Variants in CYP4F8 observed in about 807,000 individuals in gnomAD.
The protein encoded by CYP4F8 is cytochrome P450 family 4 subfamily F member 8.
CYP4F8 carries 56 observed loss-of-function variants against 55.0 expected under a neutral mutation model. That is an observed-to-expected ratio of 1.02 (90% CI 0.82 to 1.27). The LOEUF is 1.27. Among genes scored for constraint, CYP4F8 ranks in the 50% most tolerant of loss-of-function variants. The probability of loss-of-function intolerance (pLI) is 0.00; values close to 1 mark genes in which losing one functional copy is unlikely to be tolerated. For missense variants in CYP4F8, 680 were observed against 682.4 expected, an observed-to-expected ratio of 1.00 and a Z score of 0.04; for synonymous variants, 288 against 267.3, an observed-to-expected ratio of 1.08 and a Z score of -0.76.
intron 6 of CYP4F8, 133 bp downstream of exon 6, chr19:15,622,473 AGAGAAG>A: frequency 7.9e-7 from 1 of 1,259,820 alleles, no homozygotes; most frequent in Non-Finnish European, 1.1e-6. Context: ...ACAAAGAAGG[AGAGAAG>A]GAGAGAGAGA....
In CYP4F8 at chr19:15,628,427, TC is replaced by T. The variant is rs1199041881; in HGVS notation, c.1245del (p.Asn418MetfsTer61). The T allele has an allele frequency of 3.1e-6, 5 of 1,613,910 alleles. No individual in the cohort carries two copies. The highest frequency in any genetic ancestry group is 4.2e-6 in the Non-Finnish European group (5 of 1,179,948). On this transcript the variant is annotated frameshift_variant, in exon 10 of 13. Transcript: ENST00000612078. LOFTEE classifies it high-confidence loss of function. ...GTGGTGCTCCCAGACAGCCGAGTCA[TC>T]CCCAAAGGTGCCCTCCATGGCAGGG... ...QDVVLPDSRV[I>X]PKGNVCNINI...
chr19:15,623,281 G>C lies in CYP4F8; in HGVS notation c.824G>C (p.Arg275Pro). 1 of 1,613,988 alleles carries C rather than the reference G, an allele frequency of 6.2e-7. No homozygotes were observed. Among genetic ancestry groups the C allele is most frequent in the South Asian group, 1.1e-5 (1 of 91,062 alleles). ...DFTDAVIQER[R>P]RTLTSQGVDD... ...ACAGATGCCGTCATCCAGGAGCGGCGCCGCACCCTCACTAGCCAGGGTGTT... is the reference window on the plus strand; with the variant it reads ...ACAGATGCCGTCATCCAGGAGCGGCCCCGCACCCTCACTAGCCAGGGTGTT... The change falls in exon 7 of 13, where the codon CGC becomes CCC. Residue 275 changes from arginine to proline, a missense_variant. By Grantham distance (103) the Arg-to-Pro change is moderately radical (BLOSUM62 -2). Coordinates refer to ENST00000612078, the MANE Select transcript of CYP4F8 (RefSeq NM_007253.4).
At position 15,615,725 on chromosome 19, in the gene CYP4F8, T is replaced by A. The variant is rs749062507; in HGVS notation, c.109T>A (p.Trp37Arg). Residue 37 changes from tryptophan (W) to arginine (R), a missense_variant, in exon 2 of 13, where the codon TGG (tryptophan) becomes AGG (arginine). Coordinates refer to ENST00000612078, the MANE Select transcript of CYP4F8 (RefSeq NM_007253.4). ...ASWLLARILA[W>R]TYAFYHNGRR... ...CTGGCTCCTGGCCCGCATCCTGGCC[T>A]GGACCTATGCCTTCTATCACAACGG... 57 of 1,614,016 alleles carry A rather than the reference T, an allele frequency of 3.5e-5. No homozygotes were observed. In the Admixed American group the frequency reaches 9.5e-4, roughly 27 times the overall value.
rs992228816 is a variant in CYP4F8, at chr19:15,629,348, C to A, written c.1553C>A (p.Pro518His). 1 of 1,608,792 alleles carries A rather than the reference C, an allele frequency of 6.2e-7. No individual in the cohort carries two copies. The highest frequency in any genetic ancestry group is 8.5e-7 in the Non-Finnish European group (1 of 1,177,342). Residue 518 changes from proline to histidine, a missense_variant, in exon 13 of 13, where the codon CCC becomes CAC. Transcript: ENST00000612078. The part of the protein sequence containing the change: ...AEDGLWLRVE[P>H]LG ...GACGGACTTTGGCTGCGAGTAGAAC[C>A]CCTGGGCTGAGGCCTGCAGTGACCC...
chr19:15,625,434 A>G (rs1245108262), intron 9 of CYP4F8, among the ~76,000 whole-genome samples: 1 of 150,054 alleles, frequency 6.7e-6, no homozygotes, highest in Non-Finnish European at 1.5e-5. Context: ...CACTATATAT[A>G]TATGTATTTT....
Position 15,629,298 on chromosome 19 carries a change from G to A in CYP4F8, c.1503G>A (p.Thr501=). 6.2e-7 allele frequency: 1 copy of A among 1,613,078 alleles called. No homozygotes were observed. Among genetic ancestry groups the A allele is most frequent in the African/African-American group, 1.3e-5 (1 of 75,030 alleles). Residue 501 remains threonine, a synonymous_variant, in exon 13 of 13, where the codon ACG becomes ACA. Coordinates refer to ENST00000612078, the MANE Select transcript of CYP4F8 (RefSeq NM_007253.4). The stretch of plus-strand genomic sequence containing the variant: ...CCGACCACAGGGAGCCACGCAGGAC[G>A]CCGGAGATTGTTTTGCGTGCGGAGG... ...ILPDHREPRR[T]PEIVLRAEDG...
rs542122231 is a variant in CYP4F8 at position 15,618,849 on chromosome 19, A to G, written c.344-641A>G. On this transcript the variant is annotated intron_variant, in intron 3 of 12. Transcript: ENST00000612078. ...TTGCTCCAGGCCCCAGGAATCTCCA[A>G]TAGGAGACACCACCCCAGCCTGGAG... 1.2e-4 allele frequency: 21 copies of G among 175,298 alleles called. No individual in the cohort carries two copies. In the South Asian group the frequency reaches 2.1e-3, roughly 18 times the overall value. 10.9% of individuals were successfully genotyped at this position (175,298 alleles called of 1,614,324 possible).
chr19:15,628,363 C>T lies in CYP4F8; in HGVS notation c.1177C>T (p.Pro393Ser). The change falls in exon 10 of 13, where the codon CCC (proline) becomes TCC (serine). Residue 393 changes from proline to serine, a missense_variant. Physicochemically the swap from Pro to Ser is moderately conservative, Grantham distance 74. Coordinates refer to ENST00000612078, the MANE Select transcript of CYP4F8 (RefSeq NM_007253.4). ...MCLKESLRLH[P>S]PIPTFARGCT... ...CCTGAAGGAGAGCCTGCGGTTGCATCCCCCAATCCCTACATTCGCCCGCGG... is the reference window on the plus strand; with the variant it reads ...CCTGAAGGAGAGCCTGCGGTTGCATTCCCCAATCCCTACATTCGCCCGCGG... 1.9e-6 allele frequency: 3 copies of T among 1,614,044 alleles called. No homozygotes were observed. Among genetic ancestry groups the T allele is most frequent in the Admixed American group, 1.7e-5 (1 of 60,004 alleles).
chr19:15,622,722 A>G (rs1972210293), intron 6 of CYP4F8: 4 of 364,556 alleles, frequency 1.1e-5, no homozygotes, highest in South Asian at 8.6e-5. Context: ...GATGAGAGAC[A>G]TGGTCAGTAC....
At chr19:15,622,004 G>A (rs900187612) in intron 5 of CYP4F8, 30 of 540,496 alleles carry the variant, frequency 5.6e-5, no homozygotes, top group African/African-American at 4.5e-4. Context: ...CACAGCTTAG[G>A]AATCACAGCT....
chr19:15,622,977 G>A, intron 6 of CYP4F8, 128 bp from the exon 7 acceptor site: 7 of 1,148,762 alleles, frequency 6.1e-6, no homozygotes, highest in Non-Finnish European at 7.3e-6. Flanking sequence ...GTGGGAGGCA[G>A]AGAGTGAAGT....
intron 6 of CYP4F8, 32 bp from the exon 7 acceptor site, chr19:15,623,073 A>C (rs920736144): frequency 2.5e-6 from 4 of 1,599,034 alleles, no homozygotes; most frequent in Non-Finnish European, 3.4e-6. Context: ...GTGGGTAAGG[A>C]GCTGCTTCCT....
At chr19:15,615,435 A>C in intron 1 of CYP4F8, 155 bp downstream of exon 1, 4 of 631,594 alleles carry the variant, frequency 6.3e-6, no homozygotes, top group South Asian at 2.4e-5. Flanking sequence ...TCTGGTCTCT[A>C]GTTTCCTTGA....
chr19:15,624,095 G>A lies in CYP4F8; in HGVS notation c.1115+1G>A, dbSNP rs1309082382. 1.2e-6 allele frequency: 2 copies of A among 1,613,752 alleles called. No homozygotes were observed. The highest frequency in any genetic ancestry group is 1.3e-5 in the African/African-American group (1 of 74,906). On this transcript the variant is annotated splice_donor_variant, in intron 9 of 12. Coordinates refer to ENST00000612078, the MANE Select transcript of CYP4F8 (RefSeq NM_007253.4). LOFTEE classifies it high-confidence loss of function. ...ACCGTGAGCCTAAAGAGATTGAATG[G>A]TGAGTGCAGGTGCTGGTGGCTCTGC...
At chr19:15,623,514 ATT>A in intron 7 of CYP4F8, 139 bp downstream of exon 7, 1 of 1,297,932 alleles carries the variant, frequency 7.7e-7, no homozygotes. Context: ...AGTCAGATAA[ATT>A]TTAGAGGTGA....
intron 6 of CYP4F8, 94 bp from the exon 7 acceptor site, chr19:15,623,011 G>A: frequency 1.4e-6 from 2 of 1,428,082 alleles, no homozygotes; most frequent in East Asian, 2.4e-5. Flanking sequence ...ACCCCTTTCT[G>A]CATGGAATGT....
In CYP4F8 at chr19:15,629,546, C is replaced by G; in HGVS notation, c.*188C>G. 1 of 757,252 alleles carries G rather than the reference C, an allele frequency of 1.3e-6. No individual in the cohort carries two copies. Among genetic ancestry groups the G allele is most frequent in the African/African-American group, 1.8e-5 (1 of 56,012 alleles). The allele number at this position is 757,252 out of a possible 1,614,324, so 46.9% of individuals were successfully genotyped here. A position where few individuals can be genotyped will look rare whatever the true frequency, so the allele number is the denominator to read the frequency against. ...AGAGGCGGGGAGATGTCTCTGTGCC[C>G]AAGATACTCACTGCCTCTCTGGGTG... On this transcript the variant is annotated 3_prime_UTR_variant, in exon 13 of 13. Coordinates refer to ENST00000612078, the MANE Select transcript of CYP4F8 (RefSeq NM_007253.4).
At chr19:15,615,386 G>A in intron 1 of CYP4F8, 106 bp downstream of exon 1, 1 of 459,066 alleles carries the variant, frequency 2.2e-6, no homozygotes, top group Non-Finnish European at 3.8e-6. Context: ...GTAACCAGAG[G>A]TCAAGTTGGC....
chr19:15,619,720 G>A lies in CYP4F8; in HGVS notation c.483G>A (p.Lys161=), dbSNP rs1433190870. 19 of 1,614,008 alleles carry A rather than the reference G, an allele frequency of 1.2e-5. No individual in the cohort carries two copies. Among genetic ancestry groups the A allele is most frequent in the Non-Finnish European group, 1.6e-5 (19 of 1,180,004 alleles). ...LTPAFHFNIL[K]PYIKIFSKSA... ...CTGCCTTCCATTTCAACATCCTGAA[G>A]CCCTATATAAAGATTTTCAGCAAGA... The change falls in exon 5 of 13, where the codon AAG becomes AAA. Residue 161 remains lysine (K), a synonymous_variant. Transcript: ENST00000612078.
Sources: gnomAD v4.1 joint callset for allele counts (sites outside exome capture counted in the v4.1 genomes callset) on GRCh38, gnomAD v4.1.1 for gene constraint, MANE v1.5 for transcripts, NCBI Gene and HGNC (gene_info 2026-07-23, HGNC 2026-07-21) for gene names.